Variants in GSN observed in about 807,000 individuals in gnomAD.
GSN encodes gelsolin, also known as actin-depolymerizing factor.
GSN carries 56 observed loss-of-function variants against 85.7 expected under a neutral mutation model. The observed-to-expected ratio is 0.65, with a 90% CI of 0.53 to 0.82. The LOEUF (loss-of-function observed/expected upper bound fraction) is 0.82, where lower values mean the gene tolerates loss of function less well. Among genes scored for constraint, GSN ranks in the 40% least tolerant of loss-of-function variants. The probability of loss-of-function intolerance (pLI) is 0.00; values close to 1 mark genes in which losing one functional copy is unlikely to be tolerated. For synonymous variants in GSN, 373 were observed against 399.1 expected, an observed-to-expected ratio of 0.93 and a Z score of 0.78; for missense variants, 857 against 979.8, an observed-to-expected ratio of 0.87 and a Z score of 1.67.
In GSN at chr9:121,282,262, G is replaced by T. The variant is rs1173739650; in HGVS notation, c.-10+700G>T. 5.0e-6 allele frequency: 3 copies of T among 596,732 alleles called. No homozygotes were observed. In the Admixed American group the frequency reaches 9.2e-5, roughly 18 times the overall value. 37.0% of individuals were successfully genotyped at this position (596,732 alleles called of 1,614,324 possible). On this transcript the variant is annotated intron_variant, in intron 2 of 17. Transcript: ENST00000432226. ...ACCCACCTAACAAAGCTGCTGTGTG[G>T]ACCCAACGAGCTTGTAGATGCCAAA...
intron 12 of GSN, 115 bp downstream of exon 12, chr9:121,324,759 A>G (rs909960986): frequency 2.0e-5 from 12 of 600,986 alleles, no homozygotes; most frequent in African/African-American, 9.2e-5. Flanking sequence ...CTGTCCATCC[A>G]TCCATCCATC....
intron 6 of GSN, among the ~76,000 whole-genome samples, chr9:121,263,039 A>C (rs952824865): frequency 6.6e-6 from 1 of 152,246 alleles, no homozygotes; most frequent in Non-Finnish European, 1.5e-5. Flanking sequence ...TGCCAGTCTA[A>C]TGAGATATAC....
chr9:121,259,711 C>T (rs1308598861), intron 6 of GSN, among the ~76,000 whole-genome samples: 2 of 121,320 alleles, frequency 1.6e-5, no homozygotes, highest in Non-Finnish European at 1.9e-5. Flanking sequence ...AAAAGTAGAG[C>T]TTAAGAGCCG....
intron 11 of GSN, among the ~76,000 whole-genome samples, chr9:121,323,019 T>C (rs1589173054): frequency 1.3e-5 from 2 of 151,988 alleles, no homozygotes; most frequent in South Asian, 2.1e-4. Context: ...TACTTTAGTA[T>C]GGATGGGGCT....
upstream of GSN, among the ~76,000 whole-genome samples, chr9:121,266,479 G>A (rs933917437): frequency 6.6e-6 from 1 of 152,260 alleles, no homozygotes; most frequent in Non-Finnish European, 1.5e-5. Flanking sequence ...AAAGCAGAGA[G>A]TAGCAGAGAT....
At chr9:121,238,528 G>T in intron 5 of GSN, 1 of 170,500 alleles carries the variant, frequency 5.9e-6, no homozygotes, top group South Asian at 1.4e-4. Flanking sequence ...ACTTGGACTG[G>T]CTTCCTTGCT....
chr9:121,252,582 T>A (rs1439244275), intron 6 of GSN, among the ~76,000 whole-genome samples: 3 of 152,204 alleles, frequency 2.0e-5, no homozygotes, highest in Non-Finnish European at 4.4e-5. Context: ...ACATGTTAGT[T>A]CTGGGCTAAA....
chr9:121,279,444 T>C (rs1262506585), intron 1 of GSN, among the ~76,000 whole-genome samples: 1 of 151,204 alleles, frequency 6.6e-6, no homozygotes, highest in East Asian at 1.9e-4. Flanking sequence ...CAAGAGGTGA[T>C]GGGGCTATGG....
intron 4 of GSN, among the ~76,000 whole-genome samples, chr9:121,306,656 T>C (rs2133326542): frequency 6.6e-6 from 1 of 152,378 alleles, no homozygotes; most frequent in Non-Finnish European, 1.5e-5. Context: ...CTTGCTCACC[T>C]AATGATTAGA....
intron 4 of GSN, among the ~76,000 whole-genome samples, chr9:121,307,057 C>A (rs1309094988): frequency 6.6e-6 from 1 of 151,934 alleles, no homozygotes; most frequent in Non-Finnish European, 1.5e-5. Flanking sequence ...GGCGGGTGCC[C>A]GTAATCTCAG....
intron 1 of GSN, among the ~76,000 whole-genome samples, chr9:121,269,110 T>C (rs1444148030): frequency 1.3e-5 from 2 of 152,164 alleles, no homozygotes; most frequent in Non-Finnish European, 2.9e-5. Context: ...CCAGAACTCA[T>C]TCTGGGCTGT....
chr9:121,288,395 C>T (rs377532785), intron 2 of GSN, among the ~76,000 whole-genome samples: 7 of 152,202 alleles, frequency 4.6e-5, no homozygotes, highest in South Asian at 4.1e-4. Context: ...CTGACGCACC[C>T]GAGGAGCTGG....
In GSN at chr9:121,332,398, T is replaced by G; in HGVS notation, c.2027-36T>G. The G allele has an allele frequency of 6.2e-7, 1 of 1,601,208 alleles. No individual in the cohort carries two copies. Among genetic ancestry groups the G allele is most frequent in the Non-Finnish European group, 8.6e-7 (1 of 1,168,294 alleles). On this transcript the variant is annotated intron_variant, in intron 17 of 17. Transcript: ENST00000432226. This position sits in a 1 kb window ranked among gnomAD's most constrained non-coding sequence, Gnocchi z 4.8. ...CCCTGGTGTGGGAGGCACTAAGAAT[T>G]CCTGGGGTTTCCTTTTCTTGCACGT...
intron 4 of GSN, among the ~76,000 whole-genome samples, chr9:121,221,141 A>G (rs2132110698): frequency 6.6e-6 from 1 of 152,350 alleles, no homozygotes; most frequent in East Asian, 1.9e-4. Context: ...GCCTCGGCCC[A>G]GTCCGAGAAA....
At chr9:121,255,624 C>G (rs189730524) in intron 6 of GSN, among the ~76,000 whole-genome samples, 1 of 152,218 alleles carries the variant, frequency 6.6e-6, no homozygotes, top group East Asian at 1.9e-4. Context: ...GAGAATGCCC[C>G]CATTTTACTA....
chr9:121,238,885 A>G (rs1049830719), intron 5 of GSN: 16 of 534,552 alleles, frequency 3.0e-5, no homozygotes, highest in Non-Finnish European at 6.1e-5. Flanking sequence ...GCTTGCCTAC[A>G]GCTGGTTACA....
At chr9:121,307,391 T>C (rs145290817) in intron 4 of GSN, among the ~76,000 whole-genome samples, 79 of 152,306 alleles carry the variant, frequency 5.2e-4, no homozygotes, top group African/African-American at 1.8e-3. Context: ...ATAGAAACAG[T>C]GAGTCCTTCT....
chr9:121,218,516 T>C (rs1292528468), intron 4 of GSN, among the ~76,000 whole-genome samples: 1 of 152,144 alleles, frequency 6.6e-6, no homozygotes, highest in Non-Finnish European at 1.5e-5. Context: ...GTACCCATAA[T>C]TGCAGCTACT....
At chr9:121,279,994 G>C (rs1243826771) in intron 1 of GSN, 1 of 152,228 alleles carries the variant, frequency 6.6e-6, no homozygotes, top group African/African-American at 2.4e-5. Context: ...CTCCACTTCC[G>C]TGGCTGTGTC....
Sources: allele counts gnomAD v4.1 joint callset (sites outside exome capture counted in the v4.1 genomes callset), GRCh38; gene constraint gnomAD v4.1.1; non-coding constraint Gnocchi (gnomAD v3.1); transcripts MANE v1.5; gene names NCBI Gene and HGNC (gene_info 2026-07-23, HGNC 2026-07-21).